Variants in ARHGAP6 observed in about 807,000 individuals in gnomAD.
The protein encoded by ARHGAP6 is Rho GTPase activating protein 6.
Under a neutral mutation model 55.7 loss-of-function variants are expected in ARHGAP6, and 16 were observed. That is an observed-to-expected ratio of 0.29 (90% CI 0.19 to 0.44). The LOEUF (loss-of-function observed/expected upper bound fraction) is 0.44, where lower values mean the gene tolerates loss of function less well. ARHGAP6 is among the 20% of genes least tolerant of loss of function. The probability of loss-of-function intolerance (pLI) is 1.00; values close to 1 mark genes in which losing one functional copy is unlikely to be tolerated. For synonymous variants in ARHGAP6, 382 were observed against 360.9 expected, an observed-to-expected ratio of 1.06 and a Z score of -0.66; for missense variants, 698 against 808.9, an observed-to-expected ratio of 0.86 and a Z score of 1.66.
intron 1 of ARHGAP6, among the ~76,000 whole-genome samples, chrX:11,325,048 C>T (rs1184952237): frequency 2.7e-5 from 3 of 111,406 alleles, no homozygotes; most frequent in African/African-American, 6.5e-5. Context: ...TTAGTAGAGA[C>T]GGGGTTTCAC....
intron 1 of ARHGAP6, among the ~76,000 whole-genome samples, chrX:11,319,158 G>A (rs866087653): frequency 9.2e-6 from 1 of 108,682 alleles, no homozygotes; most frequent in Non-Finnish European, 1.9e-5. Context: ...CTATATCTAT[G>A]TCTATCTATA....
At chrX:11,207,432 AC>A (rs2046721953) in intron 2 of ARHGAP6, among the ~76,000 whole-genome samples, 1 of 112,160 alleles carries the variant, frequency 8.9e-6, no homozygotes, top group Non-Finnish European at 1.9e-5. Context: ...CCATATACTT[AC>A]CATCAATTCC....
At chrX:11,253,436 G>A (rs748353287) in intron 2 of ARHGAP6, among the ~76,000 whole-genome samples, 9 of 111,379 alleles carry the variant, frequency 8.1e-5, no homozygotes, top group African/African-American at 2.0e-4. Context: ...AAAATCCTCC[G>A]TGGAAATGTT....
intron 2 of ARHGAP6, among the ~76,000 whole-genome samples, chrX:11,241,639 T>A (rs1449431893): frequency 9.1e-6 from 1 of 109,726 alleles, no homozygotes; most frequent in East Asian, 2.9e-4. Flanking sequence ...CAAACTCATG[T>A]TATCAAAGTT....
At chrX:11,281,801 T>C (rs1271675788) in intron 1 of ARHGAP6, among the ~76,000 whole-genome samples, 1 of 111,974 alleles carries the variant, frequency 8.9e-6, no homozygotes, top group Non-Finnish European at 1.9e-5. Context: ...TTTATTTACA[T>C]GTATTATGTT....
At chrX:11,189,406 G>A (rs1366421679) in intron 3 of ARHGAP6, among the ~76,000 whole-genome samples, 1 of 111,994 alleles carries the variant, frequency 8.9e-6, no homozygotes, top group Admixed American at 9.5e-5. Context: ...ATAACAGAGT[G>A]AGTATCAGGT....
intron 2 of ARHGAP6, among the ~76,000 whole-genome samples, chrX:11,206,735 T>C (rs1433402898): frequency 9.0e-6 from 1 of 111,679 alleles, no homozygotes; most frequent in Non-Finnish European, 1.9e-5. Flanking sequence ...AGGCTCTGCT[T>C]TATTTCTACT....
chrX:11,562,209 A>G (rs764510812), intron 1 of ARHGAP6, among the ~76,000 whole-genome samples: 17 of 112,237 alleles, frequency 1.5e-4, no homozygotes, highest in Admixed American at 1.2e-3. Context: ...ACCACTTAAA[A>G]GGTGTGTGTG....
At chrX:11,452,711 C>A (rs1315871456) in intron 1 of ARHGAP6, among the ~76,000 whole-genome samples, 1 of 111,810 alleles carries the variant, frequency 8.9e-6, no homozygotes, top group Admixed American at 9.5e-5. Context: ...ATATTCTGCT[C>A]ACATACCATG....
intron 1 of ARHGAP6, among the ~76,000 whole-genome samples, chrX:11,526,915 G>A (rs2050995169): frequency 1.8e-5 from 2 of 110,750 alleles, no homozygotes; most frequent in Admixed American, 1.9e-4. Context: ...AAATGGAGGA[G>A]AGGTGTCCAT....
At chrX:11,382,324 G>T (rs2049271860) in intron 1 of ARHGAP6, among the ~76,000 whole-genome samples, 1 of 111,185 alleles carries the variant, frequency 9.0e-6, no homozygotes, top group African/African-American at 3.3e-5. Context: ...CACAGGAAAA[G>T]ATAAATAAGT....
At chrX:11,463,417 T>C (rs1350589712) in intron 1 of ARHGAP6, among the ~76,000 whole-genome samples, 1 of 111,941 alleles carries the variant, frequency 8.9e-6, no homozygotes, top group African/African-American at 3.2e-5. Flanking sequence ...TGGCTCACTG[T>C]AGCCTCAAAC....
At chrX:11,609,132 T>A (rs1333149436) in intron 1 of ARHGAP6, among the ~76,000 whole-genome samples, 1 of 112,010 alleles carries the variant, frequency 8.9e-6, no homozygotes, top group Non-Finnish European at 1.9e-5. Flanking sequence ...GTTCCCCAAC[T>A]TCTCCCTAGC....
intron 1 of ARHGAP6, among the ~76,000 whole-genome samples, chrX:11,342,847 A>G (rs1603102078): frequency 8.9e-6 from 1 of 112,551 alleles, no homozygotes; most frequent in African/African-American, 3.2e-5. Context: ...AAATGAGAGC[A>G]CTAGTACTAT....
chrX:11,608,603 T>C (rs1359725211), intron 1 of ARHGAP6, among the ~76,000 whole-genome samples: 1 of 111,694 alleles, frequency 9.0e-6, no homozygotes, highest in African/African-American at 3.3e-5. Flanking sequence ...TTTGGCTCTG[T>C]GCCCCCACCC....
intron 1 of ARHGAP6, among the ~76,000 whole-genome samples, chrX:11,467,517 G>C (rs2050305476): frequency 9.0e-6 from 1 of 111,556 alleles, no homozygotes; most frequent in Admixed American, 9.5e-5. Flanking sequence ...AATCACAGTA[G>C]AATGGATATA....
At chrX:11,530,039 C>T (rs916282654) in intron 1 of ARHGAP6, among the ~76,000 whole-genome samples, 1 of 111,860 alleles carries the variant, frequency 8.9e-6, no homozygotes, top group Admixed American at 9.5e-5. Context: ...CTCAAGTTTA[C>T]AAGACTGTGG....
intron 1 of ARHGAP6, among the ~76,000 whole-genome samples, chrX:11,573,282 C>A (rs1196016275): frequency 9.2e-6 from 1 of 109,040 alleles, no homozygotes; most frequent in African/African-American, 3.3e-5. Context: ...CTGAATGGTA[C>A]TACCTAGGTT....
At chrX:11,232,045 C>A (rs1266585004) in intron 2 of ARHGAP6, among the ~76,000 whole-genome samples, 1 of 111,938 alleles carries the variant, frequency 8.9e-6, no homozygotes, top group African/African-American at 3.2e-5. Flanking sequence ...AAGATCAAAT[C>A]AGAGTAGTTG....
Sources: allele counts gnomAD v4.1 joint callset (sites outside exome capture counted in the v4.1 genomes callset), GRCh38; gene constraint gnomAD v4.1.1; transcripts MANE v1.5; gene names NCBI Gene and HGNC (gene_info 2026-07-23, HGNC 2026-07-21).